Variants in CD226 observed in about 807,000 individuals in gnomAD.
CD226 encodes CD226 antigen.
In CD226, 24 loss-of-function variants were observed where a neutral mutation model predicts 34.9. That is an observed-to-expected ratio of 0.69 (90% CI 0.50 to 0.97). The LOEUF is 0.97. Among genes scored for constraint, CD226 ranks in the 50% least tolerant of loss-of-function variants. CD226 has a pLI of 0.00. For synonymous variants in CD226, 148 were observed against 147.4 expected (o/e 1.00, Z -0.03); for missense variants, 397 against 412.7 (o/e 0.96, Z 0.33).
chr18:69,880,885 G>A (rs1473152044), intron 3 of CD226, among the ~76,000 whole-genome samples: 8 of 152,018 alleles, frequency 5.3e-5, no homozygotes, highest in African/African-American at 1.7e-4. Flanking sequence ...TCCTGACCTC[G>A]AGGGATCCAC....
chr18:69,899,492 C>T (rs1253975803), intron 2 of CD226, among the ~76,000 whole-genome samples: 1 of 152,094 alleles, frequency 6.6e-6, no homozygotes, highest in Admixed American at 6.5e-5. Flanking sequence ...AAAAAATTTG[C>T]CAACCTAAAG....
chr18:69,898,696 T>G (rs1360697420), intron 2 of CD226, among the ~76,000 whole-genome samples: 1 of 152,140 alleles, frequency 6.6e-6, no homozygotes, highest in Non-Finnish European at 1.5e-5. Flanking sequence ...AGTAACTGAT[T>G]GGTGTTAGAT....
At chr18:69,924,579 G>C (rs2055496572) in intron 2 of CD226, among the ~76,000 whole-genome samples, 1 of 143,600 alleles carries the variant, frequency 7.0e-6, no homozygotes, top group African/African-American at 2.5e-5. Context: ...ACATGTTTTT[G>C]AAAGTCCAGG....
At position 69,861,225 on chromosome 18, in the gene CD226, C is replaced by A. The variant is rs1982799277; in HGVS notation, c.*3089G>T. ...TTGGAGTTTTTACTAAAAATTATAT[C>A]TTCACCTACCTGCCTCCCATTTTAA... On this transcript the variant is annotated 3_prime_UTR_variant, in exon 6 of 6. Coordinates refer to ENST00000582621, the MANE Select transcript of CD226 (RefSeq NM_001303618.2). 2 of 151,780 alleles carry A rather than the reference C, an allele frequency of 1.3e-5. No homozygotes were observed. The highest frequency in any genetic ancestry group is 2.1e-4 in the South Asian group (1 of 4,818). The allele number at this position is 151,780 out of a possible 1,614,324, so 9.4% of individuals were successfully genotyped here.
upstream of CD226, among the ~76,000 whole-genome samples, chr18:69,949,760 G>A (rs1406130199): frequency 1.3e-5 from 2 of 151,168 alleles, no homozygotes; most frequent in Non-Finnish European, 3.0e-5. Flanking sequence ...ACATACACAT[G>A]CACCCACACA....
At chr18:69,957,662 T>C (rs1434429356), upstream of CD226, among the ~76,000 whole-genome samples, 13 of 152,162 alleles carry the variant, frequency 8.5e-5, no homozygotes, top group Admixed American at 8.5e-4. Context: ...GCACATTTAA[T>C]TATGCATCGC....
intron 3 of CD226, among the ~76,000 whole-genome samples, chr18:69,894,373 T>A (rs1598980398): frequency 8.4e-5 from 1 of 11,940 alleles, no homozygotes; most frequent in East Asian, 1.9e-3. Context: ...CCTGCTCAAG[T>A]GGGAGGAAGG....
intron 2 of CD226, among the ~76,000 whole-genome samples, chr18:69,918,391 A>G (rs1341796493): frequency 6.6e-6 from 1 of 152,064 alleles, no homozygotes; most frequent in Non-Finnish European, 1.5e-5. Flanking sequence ...CATCACTACT[A>G]AAAATACAAA....
At chr18:69,866,690 A>C (rs1983167231) in intron 5 of CD226, among the ~76,000 whole-genome samples, 1 of 152,292 alleles carries the variant, frequency 6.6e-6, no homozygotes, top group Non-Finnish European at 1.5e-5. Context: ...CTGCAAATTC[A>C]TGTCCTCCTC....
intron 2 of CD226, among the ~76,000 whole-genome samples, chr18:69,932,828 A>G (rs1347461237): frequency 6.6e-6 from 1 of 152,024 alleles, no homozygotes; most frequent in Non-Finnish European, 1.5e-5. Context: ...AGCTCCACCA[A>G]TTCCCGTCCT....
upstream of CD226, among the ~76,000 whole-genome samples, chr18:69,960,513 G>A (rs557493655): frequency 2.6e-5 from 4 of 152,254 alleles, no homozygotes; most frequent in Middle Eastern, 3.4e-3. Flanking sequence ...ACAGTGACAC[G>A]ATCTTGGCTC....
chr18:69,913,265 C>T (rs1365993683), intron 2 of CD226, among the ~76,000 whole-genome samples: 1 of 151,954 alleles, frequency 6.6e-6, no homozygotes, highest in Non-Finnish European at 1.5e-5. Context: ...GAAAAATGAA[C>T]GTGGAAACAT....
chr18:69,900,796 T>C (rs923256091), intron 2 of CD226, among the ~76,000 whole-genome samples: 1 of 152,038 alleles, frequency 6.6e-6, no homozygotes. Flanking sequence ...CTTTAAACAC[T>C]TGAAAAAATT....
intron 3 of CD226, among the ~76,000 whole-genome samples, chr18:69,876,076 CTT>C: frequency 6.6e-6 from 1 of 151,980 alleles, no homozygotes; most frequent in African/African-American, 2.4e-5. Flanking sequence ...TATATTCAAT[CTT>C]TATTTGACAG....
intron 2 of CD226, among the ~76,000 whole-genome samples, chr18:69,903,996 C>T (rs1441289992): frequency 2.0e-5 from 3 of 152,100 alleles, no homozygotes; most frequent in African/African-American, 4.8e-5. Flanking sequence ...GAAAATCGGC[C>T]GTCTTCACAA....
At chr18:69,911,984 A>G (rs1018279596) in intron 2 of CD226, among the ~76,000 whole-genome samples, 1 of 152,060 alleles carries the variant, frequency 6.6e-6, no homozygotes, top group African/African-American at 2.4e-5. Flanking sequence ...TCATTTTCTT[A>G]TATCTATTCA....
intron 2 of CD226, among the ~76,000 whole-genome samples, chr18:69,903,208 T>C (rs1481865524): frequency 6.6e-6 from 1 of 152,112 alleles, no homozygotes; most frequent in African/African-American, 2.4e-5. Context: ...GCCTGCCTCA[T>C]AGTTCTGGCT....
chr18:69,956,026 G>A (rs1220526735), intron 1 of CD226, among the ~76,000 whole-genome samples: 6 of 152,154 alleles, frequency 3.9e-5, no homozygotes, highest in Admixed American at 2.6e-4. Context: ...CATGTCCCCA[G>A]GAGTGAGGCT....
intron 2 of CD226, among the ~76,000 whole-genome samples, chr18:69,896,574 G>C (rs1261673980): frequency 6.6e-6 from 1 of 152,098 alleles, no homozygotes; most frequent in African/African-American, 2.4e-5. Context: ...GGATATGATT[G>C]TTCACACATA....
Sources: allele counts gnomAD v4.1 joint callset (sites outside exome capture counted in the v4.1 genomes callset), GRCh38; gene constraint gnomAD v4.1.1; transcripts MANE v1.5; gene names NCBI Gene and HGNC (gene_info 2026-07-23, HGNC 2026-07-21).